SAAL1: variants seen among roughly 807,000 people sequenced by gnomAD.
SAAL1 encodes protein SAAL1.
In SAAL1, 42 loss-of-function variants were observed where a neutral mutation model predicts 59.8. The ratio of observed to expected loss-of-function variants is 0.70; its 90% CI spans 0.55 to 0.91. The LOEUF (loss-of-function observed/expected upper bound fraction) is 0.91. SAAL1 is among the 40% of genes least tolerant of loss of function. The pLI, the probability that SAAL1 is intolerant of heterozygous loss-of-function variation, is 0.00. For synonymous variants in SAAL1, 191 were observed against 194.3 expected, an observed-to-expected ratio of 0.98 and a Z score of 0.14; for missense variants, 542 against 561.1, an observed-to-expected ratio of 0.97 and a Z score of 0.34.
In SAAL1 at chr11:18,105,955, C is replaced by T. The variant is rs751659475; in HGVS notation, c.87G>A (p.Thr29=). Residue 29 remains threonine, a synonymous_variant, in exon 1 of 12, where the codon ACG becomes ACA. Coordinates refer to ENST00000524803, the MANE Select transcript of SAAL1 (RefSeq NM_138421.3). The stretch of plus-strand genomic sequence containing the variant: ...CGAAGAGCCAGTGTTTGCTGTAGAC[C>T]GTGCTCCCTATGCAGTCTCCACCGG... ...EVAGGDCIGS[T]VYSKHWLFGV... is the part of the protein sequence containing the mutation. 2.5e-6 allele frequency: 4 copies of T among 1,608,932 alleles called. No individual in the cohort carries two copies. The Admixed American group carries it at 6.7e-5, about 27-fold the overall frequency.
intron 4 of SAAL1, 140 bp downstream of exon 4, chr11:18,092,105 A>G: frequency 1.8e-6 from 1 of 546,810 alleles, no homozygotes; most frequent in Admixed American, 3.5e-5. Context: ...TATCATCAAC[A>G]CACAATGAAG....
chr11:18,098,829 C>G (rs1848603208), intron 2 of SAAL1, among the ~76,000 whole-genome samples: 1 of 152,206 alleles, frequency 6.6e-6, no homozygotes, highest in South Asian at 2.1e-4. Flanking sequence ...ATGGTAATTC[C>G]TGGAGTAGCA....
intron 2 of SAAL1, among the ~76,000 whole-genome samples, chr11:18,099,657 G>A (rs930176506): frequency 6.6e-6 from 1 of 152,172 alleles, no homozygotes; most frequent in Non-Finnish European, 1.5e-5. Context: ...CAATTCTGTG[G>A]GAACACCAAA....
chr11:18,095,435 C>A (rs1258289277), intron 3 of SAAL1, among the ~76,000 whole-genome samples: 1 of 152,150 alleles, frequency 6.6e-6, no homozygotes, highest in Admixed American at 6.5e-5. Flanking sequence ...AATAAGAATT[C>A]TAATTCAACA....
intron 10 of SAAL1, among the ~76,000 whole-genome samples, chr11:18,082,682 A>G (rs1487770495): frequency 6.6e-6 from 1 of 152,060 alleles, no homozygotes; most frequent in Non-Finnish European, 1.5e-5. Flanking sequence ...CTCAGGTTGG[A>G]GTGTAGTGGC....
At chr11:18,104,929 G>A (rs910980537) in intron 1 of SAAL1, among the ~76,000 whole-genome samples, 2 of 152,138 alleles carry the variant, frequency 1.3e-5, no homozygotes, top group South Asian at 2.1e-4. Context: ...ATTGACTGGA[G>A]AGGATAGACA....
intron 4 of SAAL1, among the ~76,000 whole-genome samples, chr11:18,091,575 T>C (rs1234661560): frequency 6.6e-6 from 1 of 152,132 alleles, no homozygotes; most frequent in Non-Finnish European, 1.5e-5. Flanking sequence ...CCTAGAACAG[T>C]TTTCTTAACC....
chr11:18,105,041 T>G (rs1327342708), intron 1 of SAAL1, among the ~76,000 whole-genome samples: 1 of 152,162 alleles, frequency 6.6e-6, no homozygotes. Flanking sequence ...CTGTTGCCAT[T>G]ATAATCTCAC....
chr11:18,092,516 G>T (rs551154616), intron 3 of SAAL1, among the ~76,000 whole-genome samples, 192 bp from the exon 4 acceptor site: 1 of 152,136 alleles, frequency 6.6e-6, no homozygotes, highest in African/African-American at 2.4e-5. Context: ...GATGAAAAAC[G>T]TAAGAACAAG....
intron 4 of SAAL1, among the ~76,000 whole-genome samples, chr11:18,091,802 G>C (rs571845356): frequency 6.2e-4 from 94 of 152,328 alleles, no homozygotes; most frequent in African/African-American, 2.2e-3. Flanking sequence ...CTTTTCATCA[G>C]AGAGGCAACC....
At chr11:18,101,469 C>T (rs1476669677) in intron 2 of SAAL1, among the ~76,000 whole-genome samples, 2 of 152,106 alleles carry the variant, frequency 1.3e-5, no homozygotes, top group African/African-American at 2.4e-5. Context: ...TTCCCCTGCT[C>T]GCACTTCTCC....
At chr11:18,100,562 TC>T (rs776278507) in intron 2 of SAAL1, among the ~76,000 whole-genome samples, 2 of 152,314 alleles carry the variant, frequency 1.3e-5, no homozygotes, top group Non-Finnish European at 1.5e-5. Context: ...AAACCCCATC[TC>T]TACAAAAAAT....
chr11:18,092,677 C>T (rs754918381), intron 3 of SAAL1, among the ~76,000 whole-genome samples: 2 of 152,042 alleles, frequency 1.3e-5, no homozygotes, highest in African/African-American at 2.4e-5. Flanking sequence ...ATGTACATGG[C>T]GAATACTGTA....
At chr11:18,095,707 G>A (rs1848568079) in intron 3 of SAAL1, among the ~76,000 whole-genome samples, 1 of 152,176 alleles carries the variant, frequency 6.6e-6, no homozygotes, top group South Asian at 2.1e-4. Flanking sequence ...TCCATGATAT[G>A]CATAGCACAT....
At chr11:18,085,383 T>C (rs7113855) in intron 9 of SAAL1, among the ~76,000 whole-genome samples, 69,718 of 151,794 alleles carry the variant, frequency 0.46, 17,604 homozygotes, top group African/African-American at 0.67. Context: ...ATTCCAACAA[T>C]AATAATCAGT....
chr11:18,083,691 T>G lies in SAAL1; in HGVS notation c.1083A>C (p.Gln361His). The G allele has an allele frequency of 6.2e-7, 1 of 1,611,308 alleles. No homozygotes were observed. Among genetic ancestry groups the G allele is most frequent in the Non-Finnish European group, 8.5e-7 (1 of 1,178,606 alleles). The change falls in exon 10 of 12, where the codon CAA (glutamine) becomes CAC (histidine). Residue 361 changes from glutamine (Q) to histidine (H), a missense_variant. Gln to His is a conservative substitution (Grantham distance 24). Transcript: ENST00000524803. ...GTTTTTTCTGACACTGTTCCATATT[T>G]TGTAAGACCCGAATGAGGCTGTCAA... ...PLIDSLIRVL[Q>H]NMEQCQKKPE...
At position 18,096,868 on chromosome 11, in the gene SAAL1, T is replaced by C. The variant is rs1848582880; in HGVS notation, c.250-14A>G. The C allele has an allele frequency of 2.2e-6, 3 of 1,368,574 alleles. No individual in the cohort carries two copies. The highest frequency in any genetic ancestry group is 3.1e-6 in the Non-Finnish European group (3 of 965,942). The allele number at this position is 1,368,574 out of a possible 1,614,324, so 84.8% of individuals were successfully genotyped here. Reference sequence around the variant, plus strand: ...TAAAGCCACGTCCTGAAAAGAAAAATGATTATTAACTTGGATGTTGAATAT... The same window carrying C: ...TAAAGCCACGTCCTGAAAAGAAAAACGATTATTAACTTGGATGTTGAATAT... On this transcript the variant is annotated splice_polypyrimidine_tract_variant and intron_variant, in intron 2 of 11. Transcript: ENST00000524803.
Position 18,080,457 on chromosome 11 carries a change from T to C in SAAL1, c.1367A>G (p.Asp456Gly). Residue 456 changes from aspartate to glycine, a missense_variant, in exon 12 of 12, where the codon GAT becomes GGT. Coordinates refer to ENST00000524803, the MANE Select transcript of SAAL1 (RefSeq NM_138421.3). ...TTCCAAGTCATCAGCAAGCGCCTTA[T>C]CAACTTCACGTAGGATTTTAATAAA... ...EDFIKILREV[D>G]KALADDLEKN... 1.3e-6 allele frequency: 2 copies of C among 1,589,868 alleles called. No homozygotes were observed. The highest frequency in any genetic ancestry group is 1.7e-6 in the Non-Finnish European group (2 of 1,174,226).
At chr11:18,083,325 T>C (rs946037809) in intron 10 of SAAL1, 4 of 372,242 alleles carry the variant, frequency 1.1e-5, no homozygotes, top group African/African-American at 8.2e-5. Context: ...AACACATGCA[T>C]GCAAACATAG....
Sources: gnomAD v4.1 joint callset for allele counts (sites outside exome capture counted in the v4.1 genomes callset) on GRCh38, gnomAD v4.1.1 for gene constraint, MANE v1.5 for transcripts, NCBI Gene and HGNC (gene_info 2026-07-23, HGNC 2026-07-21) for gene names.